The following PTPN4 variants were observed in gnomAD, a reference collection of about 807,000 sequenced individuals.
The protein encoded by PTPN4 is protein tyrosine phosphatase non-receptor type 4.
A neutral mutation model predicts 135.5 loss-of-function variants in PTPN4; 49 were observed. The observed-to-expected ratio is 0.36, with a 90% CI of 0.29 to 0.46. The LOEUF (loss-of-function observed/expected upper bound fraction) is 0.46. Among genes scored for constraint, PTPN4 ranks in the 20% least tolerant of loss-of-function variants. The probability of loss-of-function intolerance (pLI) is 1.00; values close to 1 mark genes in which losing one functional copy is unlikely to be tolerated. For missense variants in PTPN4, 860 were observed against 1,101.0 expected, an observed-to-expected ratio of 0.78 and a Z score of 3.10; for synonymous variants, 333 against 369.9, an observed-to-expected ratio of 0.90 and a Z score of 1.14.
chr2:119,878,065 A>C (rs1678011855), intron 5 of PTPN4, among the ~76,000 whole-genome samples: 1 of 152,200 alleles, frequency 6.6e-6, no homozygotes, highest in African/African-American at 2.4e-5. Context: ...AGGATGTTGC[A>C]GAGAGTGCAC....
intron 10 of PTPN4, among the ~76,000 whole-genome samples, chr2:119,908,137 A>G (rs1678516288): frequency 6.6e-6 from 1 of 152,218 alleles, no homozygotes; most frequent in Non-Finnish European, 1.5e-5. Flanking sequence ...AGCAAAGGAA[A>G]CAATCGACAG....
chr2:119,801,100 T>A (rs537973539), intron 1 of PTPN4, among the ~76,000 whole-genome samples: 3 of 152,346 alleles, frequency 2.0e-5, no homozygotes, highest in African/African-American at 7.2e-5. Context: ...TTATTTTTTT[T>A]AAATTTGAGG....
At position 119,978,946 on chromosome 2, in the gene PTPN4, GTTTA is replaced by G. The variant is rs1679655239; in HGVS notation, c.*1881_*1884del. ...TAAATTATCATATTAAAATATTTAA[GTTTA>G]TTTAAAGAGAGAAGTAAACATAAAC... On this transcript the variant is annotated 3_prime_UTR_variant, in exon 27 of 27. Coordinates refer to ENST00000263708, the MANE Select transcript of PTPN4 (RefSeq NM_002830.4). The G allele has an allele frequency of 6.6e-6, 1 of 152,026 alleles. No homozygotes were observed. Among genetic ancestry groups the G allele is most frequent in the South Asian group, 2.1e-4 (1 of 4,830 alleles). 9.4% of individuals were successfully genotyped at this position (152,026 alleles called of 1,614,324 possible).
intron 2 of PTPN4, among the ~76,000 whole-genome samples, chr2:119,840,271 C>G (rs1462537404): frequency 6.6e-6 from 1 of 152,198 alleles, no homozygotes; most frequent in Non-Finnish European, 1.5e-5. Context: ...CCACCTCCCA[C>G]CCTCTCACAG....
intron 18 of PTPN4, 105 bp downstream of exon 18, chr2:119,946,679 A>C: frequency 1.1e-6 from 1 of 949,892 alleles, no homozygotes; most frequent in Non-Finnish European, 1.6e-6. Context: ...CATTTCTTTT[A>C]TTTATCAAGT....
intron 3 of PTPN4, 30 bp downstream of exon 3, chr2:119,862,673 A>C: frequency 6.4e-7 from 1 of 1,554,074 alleles, no homozygotes; most frequent in Non-Finnish European, 8.8e-7. Context: ...TTTCATTTTC[A>C]TTTAGTTTTT....
intron 1 of PTPN4, among the ~76,000 whole-genome samples, chr2:119,776,040 G>T (rs1254622005): frequency 6.6e-6 from 1 of 152,126 alleles, no homozygotes; most frequent in Non-Finnish European, 1.5e-5. Context: ...ATTAACTATA[G>T]ACAGTCTGGC....
At position 119,821,609 on chromosome 2, in the gene PTPN4, A is replaced by G. The variant is rs1016781831; in HGVS notation, c.138+11618A>G. 3.8e-4 allele frequency among the ~76,000 whole-genome samples: 58 copies of G among 152,158 alleles called. 1 individual carries two copies. Among genetic ancestry groups the G allele is most frequent in the African/African-American group, 1.3e-3 (54 of 41,414 alleles). On this transcript the variant is annotated intron_variant, in intron 2 of 26. Transcript: ENST00000263708. ...TTTCATGTAAAATCTGGATGTTGATAGGCACTTGATACATTAAATAGGTAC... is the reference window on the plus strand; with the variant it reads ...TTTCATGTAAAATCTGGATGTTGATGGGCACTTGATACATTAAATAGGTAC...
At chr2:119,935,356 A>T (rs1186802939) in intron 15 of PTPN4, among the ~76,000 whole-genome samples, 1 of 152,160 alleles carries the variant, frequency 6.6e-6, no homozygotes, top group Non-Finnish European at 1.5e-5. Context: ...AGGTAAGAAG[A>T]TTTTTTAATT....
intron 9 of PTPN4, among the ~76,000 whole-genome samples, chr2:119,896,535 T>C (rs1678326503): frequency 1.3e-5 from 2 of 152,236 alleles, no homozygotes; most frequent in Non-Finnish European, 2.9e-5. Context: ...ATGTTCTTTT[T>C]TCAGGTGGTG....
chr2:119,790,031 TG>T (rs1219142653), intron 1 of PTPN4, among the ~76,000 whole-genome samples: 4 of 152,106 alleles, frequency 2.6e-5, no homozygotes, highest in Non-Finnish European at 1.5e-5. Context: ...CCTGGCCACC[TG>T]TTACTCATTT....
chr2:119,825,323 T>A (rs1408498017), intron 2 of PTPN4, among the ~76,000 whole-genome samples: 1 of 152,176 alleles, frequency 6.6e-6, no homozygotes, highest in Non-Finnish European at 1.5e-5. Flanking sequence ...AATAGTAATG[T>A]GTGTTTATTA....
At chr2:119,785,794 T>G (rs1558724996) in intron 1 of PTPN4, among the ~76,000 whole-genome samples, 1 of 152,022 alleles carries the variant, frequency 6.6e-6, no homozygotes, top group African/African-American at 2.4e-5. Context: ...AATCAGAGCT[T>G]TCCTGGTGTA....
At position 119,955,142 on chromosome 2, in the gene PTPN4, A is replaced by AT. The variant is rs759764897; in HGVS notation, c.1814-3dup. The AT allele has an allele frequency of 0.034, 35,931 of 1,064,842 alleles. 7 individuals carry two copies. The highest frequency in any genetic ancestry group is 0.072 in the South Asian group (4,391 of 61,014). 66.0% of individuals were successfully genotyped at this position (1,064,842 alleles called of 1,614,324 possible). A position where few individuals can be genotyped will look rare whatever the true frequency, so the allele number is the denominator to read the frequency against. On this transcript the variant is annotated splice_polypyrimidine_tract_variant and intron_variant, in intron 19 of 26. Coordinates refer to ENST00000263708, the MANE Select transcript of PTPN4 (RefSeq NM_002830.4). ...ATTTCCACGTTTTGGGGTTTGTTTGATTTTTTTTTTTTAGCTGTATATGAT... is the reference window on the plus strand; with the variant it reads ...ATTTCCACGTTTTGGGGTTTGTTTGATTTTTTTTTTTTTAGCTGTATATGAT...
chr2:119,873,982 G>T (rs1677950575), intron 3 of PTPN4, among the ~76,000 whole-genome samples: 1 of 152,142 alleles, frequency 6.6e-6, no homozygotes, highest in African/African-American at 2.4e-5. Context: ...GAAAATGTAT[G>T]TCCACACAAA....
At chr2:119,872,825 T>A (rs1330752481) in intron 3 of PTPN4, among the ~76,000 whole-genome samples, 1 of 152,088 alleles carries the variant, frequency 6.6e-6, no homozygotes, top group Non-Finnish European at 1.5e-5. Context: ...AAAGTATACA[T>A]CTAAAACTTG....
rs1396558473 is a variant in PTPN4, at chr2:119,984,482, T to G, written c.*7412T>G. On this transcript the variant is annotated 3_prime_UTR_variant, in exon 27 of 27. Transcript: ENST00000263708. ...CCTTTCCCCCTATATCACAAAAATA[T>G]CTCTTTCCATATGATCTCATAATTG... Among the ~76,000 whole-genome samples, 4 of 152,208 alleles carry G rather than the reference T, an allele frequency of 2.6e-5. No homozygotes were observed. Among genetic ancestry groups the G allele is most frequent in the Admixed American group, 2.6e-4 (4 of 15,272 alleles).
At chr2:119,922,661 G>C (rs1020570535) in intron 12 of PTPN4, among the ~76,000 whole-genome samples, 1 of 152,142 alleles carries the variant, frequency 6.6e-6, no homozygotes, top group African/African-American at 2.4e-5. Context: ...ATCATTTTCA[G>C]ATTTTATTGT....
chr2:119,807,769 C>CA lies in PTPN4; in HGVS notation c.-17-2061dup, dbSNP rs878934366. 2.0e-5 allele frequency among the ~76,000 whole-genome samples: 3 copies of CA among 151,862 alleles called. 1 individual carries two copies. The highest frequency in any genetic ancestry group is 1.9e-4 in the East Asian group (1 of 5,188). Reference sequence around the variant, plus strand: ...ATACCAAAGCCTGGCAGAGACACAACAAAAAAAGAGAATTTTAGACCAATA... The same window carrying CA: ...ATACCAAAGCCTGGCAGAGACACAACAAAAAAAAGAGAATTTTAGACCAATA... On this transcript the variant is annotated intron_variant, in intron 1 of 26. Coordinates refer to ENST00000263708, the MANE Select transcript of PTPN4 (RefSeq NM_002830.4).
Sources: allele counts gnomAD v4.1 joint callset (sites outside exome capture counted in the v4.1 genomes callset), GRCh38; gene constraint gnomAD v4.1.1; transcripts MANE v1.5; gene names NCBI Gene and HGNC (gene_info 2026-07-23, HGNC 2026-07-21).